The following TNS4 variants were observed in gnomAD, a reference collection of about 807,000 sequenced individuals.
TNS4 encodes the protein tensin-4.
TNS4 carries 46 observed loss-of-function variants against 70.4 expected under a neutral mutation model. The observed-to-expected ratio is 0.65, with a 90% CI of 0.52 to 0.84. TNS4 has a LOEUF of 0.84. TNS4 is among the 40% of genes least tolerant of loss of function. TNS4 has a pLI of 0.00. For missense variants in TNS4, 863 were observed against 907.0 expected, an observed-to-expected ratio of 0.95 and a Z score of 0.62; for synonymous variants, 390 against 366.6, an observed-to-expected ratio of 1.06 and a Z score of -0.73.
At position 40,479,832 on chromosome 17, in the gene TNS4, G is replaced by C. The variant is rs201650564; in HGVS notation, c.1752C>G (p.Thr584=). ...SCQKKSAGCH[T]LYLSSVSVET... Reference sequence around the variant, plus strand: ...CCACGCTCACTGAGCTCAGGTACAGGGTGTGGCAGCCTGTGGGAGGCAGAC... The same window carrying C: ...CCACGCTCACTGAGCTCAGGTACAGCGTGTGGCAGCCTGTGGGAGGCAGAC... Residue 584 remains threonine (T), a synonymous_variant, in exon 10 of 13, where the codon ACC becomes ACG. Coordinates refer to ENST00000254051, the MANE Select transcript of TNS4 (RefSeq NM_032865.6). 3.1e-6 allele frequency: 5 copies of C among 1,611,704 alleles called. No individual in the cohort carries two copies. The Admixed American group carries it at 5.0e-5, about 16-fold the overall frequency.
In TNS4 at chr17:40,484,078, G is replaced by A. The variant is rs948137743; in HGVS notation, c.1501+406C>T. On this transcript the variant is annotated intron_variant, in intron 6 of 12. Coordinates refer to ENST00000254051, the MANE Select transcript of TNS4 (RefSeq NM_032865.6). The stretch of plus-strand genomic sequence containing the variant: ...CATATAAGCTATCACACACATGTGC[G>A]CTGAGCTAGTACACAAACCTGGTAA... Among the ~76,000 whole-genome samples, 8 of 152,278 alleles carry A rather than the reference G, an allele frequency of 5.3e-5. 1 individual carries two copies. The highest frequency in any genetic ancestry group is 3.4e-3 in the Middle Eastern group (1 of 294).
rs574926146 is a variant in TNS4 at position 40,477,405 on chromosome 17, G to A, written c.*183C>T. The A allele has an allele frequency of 3.0e-6, 2 of 658,732 alleles. No individual in the cohort carries two copies. The highest frequency in any genetic ancestry group is 4.9e-6 in the Non-Finnish European group (2 of 408,994). The allele number at this position is 658,732 out of a possible 1,614,324, so 40.8% of individuals were successfully genotyped here. A position where few individuals can be genotyped will look rare whatever the true frequency, so the allele number is the denominator to read the frequency against. ...GATTGAGGAAACTGAGGCCCGGGGGGTCTGGATGATGGTGACTGCTGAAGG... is the reference window on the plus strand; with the variant it reads ...GATTGAGGAAACTGAGGCCCGGGGGATCTGGATGATGGTGACTGCTGAAGG... On this transcript the variant is annotated 3_prime_UTR_variant, in exon 13 of 13. Transcript: ENST00000254051.
chr17:40,478,131 A>G, intron 12 of TNS4, 176 bp downstream of exon 12: 3 of 786,824 alleles, frequency 3.8e-6, no homozygotes, highest in Non-Finnish European at 6.2e-6. Flanking sequence ...GTCACCCCCA[A>G]CAGCCCAGAG....
rs768181256 is a variant in TNS4, at chr17:40,487,422, T to C, written c.902A>G (p.Gln301Arg). Residue 301 changes from glutamine (Q) to arginine (R), a missense_variant, in exon 4 of 13, where the codon CAG (glutamine) becomes CGG (arginine). Gln to Arg is a conservative substitution (Grantham distance 43, BLOSUM62 1). Coordinates refer to ENST00000254051, the MANE Select transcript of TNS4 (RefSeq NM_032865.6). The part of the protein sequence containing the change: ...SLLHSSNSSH[Q>R]SSSRSLESPA... ...ACTTTCCAAGGATCTGGAAGATGACTGATGGCTGGAGTTGCTGGAGTGCAG... is the reference window on the plus strand; with the variant it reads ...ACTTTCCAAGGATCTGGAAGATGACCGATGGCTGGAGTTGCTGGAGTGCAG... 6.2e-7 allele frequency: 1 copy of C among 1,612,820 alleles called. No individual in the cohort carries two copies. The highest frequency in any genetic ancestry group is 1.1e-5 in the South Asian group (1 of 91,012).
chr17:40,477,656 T>C lies in TNS4; in HGVS notation c.2080A>G (p.Met694Val). ...ATGACCTGCGAGGCTGGCTGGACCA[T>C]GTCATACTCCGCAAAGAGGTGGCAT... is the stretch of plus-strand genomic sequence containing the variant. ...NVCHLFAEYD[M>V]VQPASQVIGL... is the part of the protein sequence containing the mutation. Residue 694 changes from methionine (M) to valine (V), a missense_variant, in exon 13 of 13, where the codon ATG (methionine) becomes GTG (valine). Transcript: ENST00000254051. 3 of 1,614,066 alleles carry C rather than the reference T, an allele frequency of 1.9e-6. No individual in the cohort carries two copies. The highest frequency in any genetic ancestry group is 1.1e-5 in the South Asian group (1 of 91,082).
intron 11 of TNS4, 46 bp downstream of exon 11, chr17:40,478,534 C>G (rs141345820): frequency 4.4e-6 from 7 of 1,608,632 alleles, no homozygotes; most frequent in Non-Finnish European, 6.0e-6. Context: ...TGGTGGGCAG[C>G]GGGGCCCTGG....
At chr17:40,489,059 T>A in intron 2 of TNS4, 90 bp from the exon 3 acceptor site, 2 of 1,243,844 alleles carry the variant, frequency 1.6e-6, no homozygotes, top group South Asian at 3.5e-5. Flanking sequence ...GGTCATTCTG[T>A]CCCCCCTCTT....
At chr17:40,499,118 G>A (rs1193393942) in intron 1 of TNS4, among the ~76,000 whole-genome samples, 1 of 152,108 alleles carries the variant, frequency 6.6e-6, no homozygotes. Context: ...CCACACCCTG[G>A]GCCTGGTAGT....
chr17:40,479,309 G>C (rs895976620), intron 10 of TNS4, among the ~76,000 whole-genome samples: 2 of 152,132 alleles, frequency 1.3e-5, no homozygotes, highest in Non-Finnish European at 2.9e-5. Flanking sequence ...CACCATGCCC[G>C]GCTAATTTTG....
chr17:40,479,843 C>T lies in TNS4; in HGVS notation c.1742-1G>A. 6.2e-7 allele frequency: 1 copy of T among 1,609,206 alleles called. No homozygotes were observed. Among genetic ancestry groups the T allele is most frequent in the East Asian group, 2.2e-5 (1 of 44,710 alleles). ...GAGCTCAGGTACAGGGTGTGGCAGCCTGTGGGAGGCAGACACTGCGCTGGG... is the reference window on the plus strand; with the variant it reads ...GAGCTCAGGTACAGGGTGTGGCAGCTTGTGGGAGGCAGACACTGCGCTGGG... On this transcript the variant is annotated splice_acceptor_variant, in intron 9 of 12. Coordinates refer to ENST00000254051, the MANE Select transcript of TNS4 (RefSeq NM_032865.6). LOFTEE classifies it high-confidence loss of function.
chr17:40,481,888 C>T (rs1222364561), intron 8 of TNS4, among the ~76,000 whole-genome samples: 2 of 152,226 alleles, frequency 1.3e-5, no homozygotes, highest in Non-Finnish European at 2.9e-5. Flanking sequence ...CTTGCCCGGG[C>T]TATCTCTTTC....
At chr17:40,486,804 G>C (rs2035994680) in intron 4 of TNS4, among the ~76,000 whole-genome samples, 1 of 152,060 alleles carries the variant, frequency 6.6e-6, no homozygotes, top group South Asian at 2.1e-4. Flanking sequence ...TTCAGCTTTG[G>C]CCAATATGAT....
At position 40,485,664 on chromosome 17, in the gene TNS4, T is replaced by C. The variant is rs993432175; in HGVS notation, c.1289-657A>G. Reference sequence around the variant, plus strand: ...CAGAATTTGATAAGATCTGGGGGTATAGTTGGTGATATTATGGGACCAAAG... The same window carrying C: ...CAGAATTTGATAAGATCTGGGGGTACAGTTGGTGATATTATGGGACCAAAG... On this transcript the variant is annotated intron_variant, in intron 4 of 12. Coordinates refer to ENST00000254051, the MANE Select transcript of TNS4 (RefSeq NM_032865.6). Among the ~76,000 whole-genome samples the C allele has an allele frequency of 3.3e-5, 5 of 152,248 alleles. No individual in the cohort carries two copies. In the East Asian group the frequency reaches 9.6e-4, roughly 29 times the overall value.
chr17:40,480,929 A>G, intron 8 of TNS4, 161 bp from the exon 9 acceptor site: 1 of 771,870 alleles, frequency 1.3e-6, no homozygotes, highest in Non-Finnish European at 2.1e-6. Context: ...TAATTAGGCA[A>G]ACAGGCCACT....
chr17:40,490,696 C>A (rs2036057579), intron 2 of TNS4, among the ~76,000 whole-genome samples: 1 of 152,220 alleles, frequency 6.6e-6, no homozygotes, highest in Admixed American at 6.5e-5. Flanking sequence ...CTGACTGGGA[C>A]TTGCTGCTCA....
chr17:40,500,240 C>A (rs559459345), intron 1 of TNS4, among the ~76,000 whole-genome samples: 1 of 152,308 alleles, frequency 6.6e-6, no homozygotes, highest in Non-Finnish European at 1.5e-5. Context: ...ATTCTGGAAC[C>A]AAGAGGGACA....
At chr17:40,478,676 G>A in intron 10 of TNS4, 28 bp from the exon 11 acceptor site, 3 of 1,611,474 alleles carry the variant, frequency 1.9e-6, no homozygotes, top group South Asian at 1.1e-5. Flanking sequence ...GAGAAGGGAA[G>A]CGATGACAGC....
intron 2 of TNS4, among the ~76,000 whole-genome samples, chr17:40,494,792 A>G (rs967976359): frequency 6.6e-6 from 1 of 152,112 alleles, no homozygotes; most frequent in Non-Finnish European, 1.5e-5. Context: ...AAGATTCTAC[A>G]TAAAGTGCTC....
Position 40,484,908 on chromosome 17 carries a change from T to A in TNS4, c.1375+13A>T, listed in dbSNP as rs776689767. 12 of 1,613,994 alleles carry A rather than the reference T, an allele frequency of 7.4e-6. No homozygotes were observed. In the Admixed American group the frequency reaches 2.0e-4, roughly 27 times the overall value. On this transcript the variant is annotated intron_variant, in intron 5 of 12. Transcript: ENST00000254051. ...CCAGACCCTATTCTGGGGTCACTCG[T>A]GCTTCCTTTTACCTTGCTCTCGGGT...
Sources: gnomAD v4.1 joint callset for allele counts (sites outside exome capture counted in the v4.1 genomes callset) on GRCh38, gnomAD v4.1.1 for gene constraint, MANE v1.5 for transcripts, NCBI Gene and HGNC (gene_info 2026-07-23, HGNC 2026-07-21) for gene names.